Variants in PHC1 observed in about 807,000 individuals in gnomAD.
The protein encoded by PHC1 is polyhomeotic-like protein 1.
PHC1 carries 12 observed loss-of-function variants against 104.3 expected under a neutral mutation model. The ratio of observed to expected loss-of-function variants is 0.12; its 90% CI spans 0.07 to 0.19. The LOEUF (loss-of-function observed/expected upper bound fraction) is 0.19. Ranked by LOEUF, PHC1 falls within the 10% of genes least tolerant of loss-of-function variation. The pLI is 1.00. For synonymous variants in PHC1, 302 were observed against 455.8 expected (o/e 0.66, Z 4.30); for missense variants, 671 against 1,200.0 (o/e 0.56, Z 6.51).
At position 8,933,979 on chromosome 12, in the gene PHC1, C is replaced by G; in HGVS notation, c.2008C>G (p.Pro670Ala). Residue 670 changes from proline (P) to alanine (A), a missense_variant, in exon 9 of 15, where the codon CCA becomes GCA. Pro to Ala is a conservative substitution (Grantham distance 27). Around this residue, in one of 9 missense-constraint regions of PHC1, gnomAD observed 95 missense variants for 108.8 expected, o/e 0.87. Coordinates refer to ENST00000544916, the MANE Select transcript of PHC1 (RefSeq NM_004426.3). ...PAKASPVAES[P>A]KVMDEKSSLG... ...CAAGGCATCTCCAGTAGCAGAAAGCCCAAAAGTCATGGACGAGAAGAGCAG... is the reference window on the plus strand; with the variant it reads ...CAAGGCATCTCCAGTAGCAGAAAGCGCAAAAGTCATGGACGAGAAGAGCAG... 6.2e-7 allele frequency: 1 copy of G among 1,614,036 alleles called. No homozygotes were observed. Among genetic ancestry groups the G allele is most frequent in the Non-Finnish European group, 8.5e-7 (1 of 1,179,950 alleles).
rs1474921602 is a variant in PHC1, at chr12:8,935,168, G to A, written c.2298G>A (p.Gln766=). ...QLLKESEKPL[Q]TGLPTGLTEN... ...TGAAGGAGTCTGAGAAGCCACTACA[G>A]ACTGGCCTTCCGACAGGGCTGACTG... is the stretch of plus-strand genomic sequence containing the variant. The change falls in exon 11 of 15, where the codon CAG becomes CAA. Residue 766 remains glutamine, a synonymous_variant. Transcript: ENST00000544916. The A allele has an allele frequency of 1.3e-6, 2 of 1,593,308 alleles. No homozygotes were observed. Among genetic ancestry groups the A allele is most frequent in the African/African-American group, 2.7e-5 (2 of 74,556 alleles).
chr12:8,934,120 G>A, intron 9 of PHC1, 108 bp downstream of exon 9: 1 of 1,392,454 alleles, frequency 7.2e-7, no homozygotes, highest in African/African-American at 1.4e-5. Flanking sequence ...AGAAGTTGGT[G>A]GACAAATGAA....
chr12:8,935,911 CCACCA>C (rs2137129857), intron 11 of PHC1, among the ~76,000 whole-genome samples: 1 of 152,194 alleles, frequency 6.6e-6, no homozygotes, highest in East Asian at 2.0e-4. Flanking sequence ...CAGGCATGCG[CCACCA>C]CGCCTGGCTA....
At chr12:8,926,897 G>A (rs1307141023) in intron 6 of PHC1, among the ~76,000 whole-genome samples, 5 of 150,314 alleles carry the variant, frequency 3.3e-5, no homozygotes, top group African/African-American at 9.8e-5. Flanking sequence ...CCTGGGCAAC[G>A]AGGGCGAAAC....
chr12:8,920,156 A>T (rs993734387), intron 3 of PHC1, among the ~76,000 whole-genome samples: 1 of 152,238 alleles, frequency 6.6e-6, no homozygotes, highest in African/African-American at 2.4e-5. Flanking sequence ...GCTAGTCTAA[A>T]TGGAGACGTC....
intron 1 of PHC1, chr12:8,915,958 C>T (rs1303842698): frequency 3.2e-5 from 5 of 154,346 alleles, no homozygotes; most frequent in Non-Finnish European, 5.9e-5. Context: ...GCAAAGGGGT[C>T]TCGTGTCTCT....
intron 3 of PHC1, 152 bp downstream of exon 3, chr12:8,920,018 C>T (rs915171483): frequency 8.1e-7 from 1 of 1,228,586 alleles, no homozygotes; most frequent in African/African-American, 1.5e-5. Context: ...ATGGATGCAT[C>T]TTAGCTTCTG....
intron 6 of PHC1, among the ~76,000 whole-genome samples, chr12:8,928,048 G>C (rs992394259): frequency 6.6e-6 from 1 of 151,588 alleles, no homozygotes; most frequent in Non-Finnish European, 1.5e-5. Flanking sequence ...CTTGATTACA[G>C]GCGCGTGCCA....
chr12:8,939,046 G>C (rs1945930587), intron 14 of PHC1, among the ~76,000 whole-genome samples: 1 of 152,184 alleles, frequency 6.6e-6, no homozygotes, highest in African/African-American at 2.4e-5. Context: ...GGATGGTCTT[G>C]AACTCCTGAG....
At position 8,919,719 on chromosome 12, in the gene PHC1, T is replaced by G. The variant is rs1183609550; in HGVS notation, c.115-37T>G. 2 of 1,570,126 alleles carry G rather than the reference T, an allele frequency of 1.3e-6. No homozygotes were observed. The highest frequency in any genetic ancestry group is 2.7e-5 in the African/African-American group (2 of 74,170). The stretch of plus-strand genomic sequence containing the variant: ...ATTTACATAGAATAGGAGCTAGGAG[T>G]GGTCCATTCTAAATGTTTTATCCTC... On this transcript the variant is annotated intron_variant, in intron 2 of 14. Coordinates refer to ENST00000544916, the MANE Select transcript of PHC1 (RefSeq NM_004426.3). This position sits in a 1 kb window ranked among gnomAD's most constrained non-coding sequence, Gnocchi z 4.9.
rs75673241 is a variant in PHC1, at chr12:8,935,211, C to T, written c.2341C>T (p.Pro781Ser). ...TGLTENQSGG[P>S]LGVDSPSAEL... ...GCTGACTGAGAATCAGTCAGGTGGC[C>T]CTTTGGGAGTGGACAGCCCATCTGC... The change falls in exon 11 of 15, where the codon CCT (proline) becomes TCT (serine). Residue 781 changes from proline (P) to serine (S), a missense_variant. Coordinates refer to ENST00000544916, the MANE Select transcript of PHC1 (RefSeq NM_004426.3). 5,712 of 1,582,996 alleles carry T rather than the reference C, an allele frequency of 3.6e-3. 178 individuals carry two copies. The African/African-American group carries it at 0.067, about 19-fold the overall frequency.
At chr12:8,931,558 G>T (rs75385744) in intron 7 of PHC1, among the ~76,000 whole-genome samples, 2 of 152,224 alleles carry the variant, frequency 1.3e-5, no homozygotes, top group East Asian at 3.9e-4. Context: ...AAATTAGCCG[G>T]GCGTAGTGGT....
chr12:8,928,634 A>C (rs752480368), intron 6 of PHC1, among the ~76,000 whole-genome samples: 1 of 152,340 alleles, frequency 6.6e-6, no homozygotes, highest in African/African-American at 2.4e-5. Flanking sequence ...ACAAAAACAG[A>C]AAAAGTATGA....
chr12:8,939,177 C>T, intron 14 of PHC1, 128 bp from the exon 15 acceptor site: 1 of 1,151,530 alleles, frequency 8.7e-7, no homozygotes, highest in Non-Finnish European at 1.3e-6. Flanking sequence ...TAAAGCTTGC[C>T]ATCTGACTTC....
In PHC1 at chr12:8,930,855, G is replaced by A. The variant is rs766052767; in HGVS notation, c.1033G>A (p.Gly345Ser). 1 of 1,520,774 alleles carries A rather than the reference G, an allele frequency of 6.6e-7. No homozygotes were observed. The highest frequency in any genetic ancestry group is 8.8e-7 in the Non-Finnish European group (1 of 1,131,652). The allele number at this position is 1,520,774 out of a possible 1,614,324, so 94.2% of individuals were successfully genotyped here. A position where few individuals can be genotyped will look rare whatever the true frequency, so the allele number is the denominator to read the frequency against. ...AAKKAEADGS[G>S]QQNVGMNLTR... ...CAAGAAGGCAGAAGCAGATGGGAGT[G>A]GCCAGCAGAATGTGGGCATGAACCT... The change falls in exon 7 of 15, where the codon GGC (glycine) becomes AGC (serine). Residue 345 changes from glycine to serine, a missense_variant. This residue lies in a region of PHC1 where 78 missense variants were observed against 140.8 expected (regional missense o/e 0.55). Transcript: ENST00000544916.
Position 8,937,324 on chromosome 12 carries a change from C to T in PHC1, c.2626C>T (p.Arg876Trp), listed in dbSNP as rs372044180. Residue 876 changes from arginine to tryptophan, a missense_variant and splice_region_variant, in exon 13 of 15, where the codon CGG (arginine) becomes TGG (tryptophan). Physicochemically the swap from Arg to Trp is moderately radical, Grantham distance 101. This residue lies in a region of PHC1 where 192 missense variants were observed against 280.5 expected (regional missense o/e 0.68). Transcript: ENST00000544916. ...TGCCAAGATTCAGGGCAAGTGCCAC[C>T]GGGTGAGCTGCTTGTTGTAGAGCCA... ...ARAKIQGKCH[R>W]GQEDSSRGSD... is the part of the protein sequence containing the mutation. 4.0e-5 allele frequency: 64 copies of T among 1,603,674 alleles called. No homozygotes were observed. The highest frequency in any genetic ancestry group is 4.7e-5 in the Non-Finnish European group (55 of 1,175,426).
chr12:8,937,808 G>T (rs762355219), intron 13 of PHC1, 21 bp from the exon 14 acceptor site: 1 of 1,592,750 alleles, frequency 6.3e-7, no homozygotes, highest in Non-Finnish European at 8.6e-7. Flanking sequence ...GACCTCATTG[G>T]TTTGCTCTTT....
intron 11 of PHC1, among the ~76,000 whole-genome samples, chr12:8,935,689 A>G (rs956732705): frequency 2.0e-5 from 3 of 152,236 alleles, no homozygotes; most frequent in African/African-American, 7.2e-5. Context: ...ATATCAGAGT[A>G]TGTAGAATCA....
intron 11 of PHC1, among the ~76,000 whole-genome samples, chr12:8,935,639 G>A (rs925761653): frequency 6.6e-6 from 1 of 151,908 alleles, no homozygotes; most frequent in African/African-American, 2.4e-5. Flanking sequence ...AAAAAAGTAG[G>A]AATAAAATGA....
Sources: gnomAD v4.1 joint callset for allele counts (sites outside exome capture counted in the v4.1 genomes callset) on GRCh38, gnomAD v4.1.1 for gene constraint, gnomAD v4.1.1 regional missense constraint, Gnocchi (gnomAD v3.1) non-coding constraint, MANE v1.5 for transcripts, NCBI Gene and HGNC (gene_info 2026-07-23, HGNC 2026-07-21) for gene names.